RBFOX1: variants seen among roughly 807,000 people sequenced by gnomAD.
RBFOX1 encodes RNA binding fox-1 homolog 1.
In RBFOX1, 8 loss-of-function variants were observed where a neutral mutation model predicts 57.7. The ratio of observed to expected loss-of-function variants is 0.14; its 90% CI spans 0.08 to 0.25. The LOEUF (loss-of-function observed/expected upper bound fraction) is 0.25, where lower values mean the gene tolerates loss of function less well. Ranked by LOEUF, RBFOX1 falls within the 10% of genes least tolerant of loss-of-function variation. RBFOX1 has a pLI of 1.00. For synonymous variants in RBFOX1, 326 were observed against 222.4 expected (o/e 1.47, Z -4.15); for missense variants, 611 against 548.5 (o/e 1.11, Z -1.14).
chr16:7,511,387 C>T (rs2075041475), intron 4 of RBFOX1, among the ~76,000 whole-genome samples: 1 of 152,136 alleles, frequency 6.6e-6, no homozygotes, highest in Non-Finnish European at 1.5e-5. Context: ...AAAACTCTCT[C>T]ATCTTATTTT....
chr16:7,404,565 G>A (rs1246652823), intron 4 of RBFOX1, among the ~76,000 whole-genome samples: 1 of 152,106 alleles, frequency 6.6e-6, no homozygotes, highest in Non-Finnish European at 1.5e-5. Flanking sequence ...AAAAGTAAAG[G>A]CTTAAAGAAT....
At chr16:6,170,479 G>A (rs1186862988) in intron 1 of RBFOX1, among the ~76,000 whole-genome samples, 5 of 152,248 alleles carry the variant, frequency 3.3e-5, no homozygotes, top group Admixed American at 6.5e-5. Flanking sequence ...ATTGTTATGC[G>A]TAATAAGTGT....
At chr16:6,746,072 T>C (rs1032147063) in intron 3 of RBFOX1, among the ~76,000 whole-genome samples, 4 of 152,162 alleles carry the variant, frequency 2.6e-5, no homozygotes, top group Admixed American at 1.3e-4. Flanking sequence ...ATGGAAGATA[T>C]GCCAGTCCTA....
At chr16:5,562,286 C>T (rs2045915873) in intron 2 of RBFOX1, among the ~76,000 whole-genome samples, 1 of 152,196 alleles carries the variant, frequency 6.6e-6, no homozygotes, top group Non-Finnish European at 1.5e-5. Flanking sequence ...CCCAGAGCCT[C>T]CAGCAGTCCT....
At chr16:6,016,417 A>G (rs74006556), upstream of RBFOX1, among the ~76,000 whole-genome samples, 19,681 of 152,236 alleles carry the variant, frequency 0.13, 1,380 homozygotes, top group Admixed American at 0.16. Context: ...CAACAAGAGA[A>G]AAGCCCTCCT....
intron 2 of RBFOX1, among the ~76,000 whole-genome samples, chr16:6,536,248 C>G (rs1429715776): frequency 6.6e-6 from 1 of 152,168 alleles, no homozygotes; most frequent in Non-Finnish European, 1.5e-5. Flanking sequence ...TCAGATAAAT[C>G]TCTAGTATCC....
chr16:6,387,012 G>A (rs1380195307), intron 2 of RBFOX1, among the ~76,000 whole-genome samples: 2 of 152,222 alleles, frequency 1.3e-5, no homozygotes, highest in African/African-American at 2.4e-5. Flanking sequence ...CCAGGAACAT[G>A]ACTGGGGTCA....
intron 2 of RBFOX1, among the ~76,000 whole-genome samples, chr16:6,513,017 C>T (rs1244800329): frequency 1.3e-5 from 2 of 152,160 alleles, no homozygotes; most frequent in Admixed American, 1.3e-4. Flanking sequence ...ATCGATGTCT[C>T]CTTCCCACTG....
chr16:7,175,146 T>C (rs1195252733), intron 4 of RBFOX1, among the ~76,000 whole-genome samples: 3 of 152,018 alleles, frequency 2.0e-5, no homozygotes, highest in East Asian at 3.9e-4. Context: ...ACCCATCACC[T>C]CGGTATTAAG....
At chr16:6,133,561 T>A (rs1022900642) in intron 1 of RBFOX1, among the ~76,000 whole-genome samples, 4 of 152,180 alleles carry the variant, frequency 2.6e-5, no homozygotes, top group African/African-American at 4.8e-5. Context: ...CCCCATTAGT[T>A]CTTTCACTGA....
At chr16:7,703,595 A>T (rs1023419345) in intron 14 of RBFOX1, among the ~76,000 whole-genome samples, 3 of 152,166 alleles carry the variant, frequency 2.0e-5, no homozygotes, top group African/African-American at 7.2e-5. Context: ...AATTATGTTA[A>T]AACCCTGGTG....
chr16:7,577,312 T>G (rs2093416601), intron 5 of RBFOX1, among the ~76,000 whole-genome samples: 1 of 152,138 alleles, frequency 6.6e-6, no homozygotes, highest in Admixed American at 6.5e-5. Context: ...TCTAGCCCCT[T>G]GACTATCTTT....
rs527811658 is a variant in RBFOX1, at chr16:5,244,844, C to T, written c.219+4739C>T. 5.9e-5 allele frequency among the ~76,000 whole-genome samples: 9 copies of T among 152,316 alleles called. No individual in the cohort carries two copies. In the East Asian group the frequency reaches 1.7e-3, roughly 29 times the overall value. ...TCCTGTTAGCTATGACAGAGAGGGG[C>T]AGGGTACACACTGGACATTTCAAGC... On this transcript the variant is annotated intron_variant, in intron 1 of 2. Coordinates refer to the RBFOX1 transcript ENST00000585867.
At chr16:5,682,701 G>T (rs1437854303) in intron 3 of RBFOX1, among the ~76,000 whole-genome samples, 1 of 152,214 alleles carries the variant, frequency 6.6e-6, no homozygotes, top group Non-Finnish European at 1.5e-5. Context: ...ATCCAAGGTT[G>T]TCCGAGTCTA....
At chr16:7,116,822 A>C (rs1390058524) in intron 4 of RBFOX1, among the ~76,000 whole-genome samples, 1 of 152,164 alleles carries the variant, frequency 6.6e-6, no homozygotes, top group African/African-American at 2.4e-5. Context: ...AACAGCACAC[A>C]CAGGACACAG....
intron 4 of RBFOX1, among the ~76,000 whole-genome samples, chr16:7,433,523 A>G (rs1004791104): frequency 6.6e-6 from 1 of 152,364 alleles, no homozygotes. Context: ...GCGCGGTGAA[A>G]TCTTGCTGAA....
At chr16:6,394,564 A>T (rs12919261) in intron 2 of RBFOX1, among the ~76,000 whole-genome samples, 1 of 152,072 alleles carries the variant, frequency 6.6e-6, no homozygotes, top group Non-Finnish European at 1.5e-5. Flanking sequence ...GAGCTAGAAT[A>T]AGAGGAGAAT....
At chr16:7,332,765 A>G (rs2144414655) in intron 4 of RBFOX1, 2 of 1,379,882 alleles carry the variant, frequency 1.4e-6, no homozygotes, top group South Asian at 3.5e-5. Context: ...CCATTTTGGT[A>G]GCTTCAACTT....
chr16:5,345,437 C>A (rs538313657), intron 1 of RBFOX1, among the ~76,000 whole-genome samples: 2 of 152,322 alleles, frequency 1.3e-5, no homozygotes, highest in South Asian at 4.1e-4. Context: ...AGACATGTGG[C>A]CAGGGAGATC....
Sources: gnomAD v4.1 joint callset for allele counts (sites outside exome capture counted in the v4.1 genomes callset) on GRCh38, gnomAD v4.1.1 for gene constraint, MANE v1.5 for transcripts, NCBI Gene and HGNC (gene_info 2026-07-23, HGNC 2026-07-21) for gene names.